The following FGF12 variants were observed in gnomAD, a reference collection of about 807,000 sequenced individuals.
FGF12 encodes the protein fibroblast growth factor 12.
Under a neutral mutation model 23.6 loss-of-function variants are expected in FGF12, and 14 were observed. The ratio of observed to expected loss-of-function variants is 0.59; its 90% CI spans 0.39 to 0.93. FGF12 has a LOEUF of 0.93. FGF12 is among the 40% of genes least tolerant of loss of function. The probability of loss-of-function intolerance (pLI) is 0.00; values close to 1 mark genes in which losing one functional copy is unlikely to be tolerated. For synonymous variants in FGF12, 62 were observed against 77.3 expected (o/e 0.80, Z 1.04); for missense variants, 175 against 217.8 (o/e 0.80, Z 1.24).
intron 2 of FGF12, among the ~76,000 whole-genome samples, chr3:192,713,150 C>A (rs1407628548): frequency 1.3e-5 from 2 of 152,104 alleles, no homozygotes; most frequent in Non-Finnish European, 2.9e-5. Flanking sequence ...TTTACATAAT[C>A]ATAATCATGC....
At chr3:192,322,983 T>C (rs1000753209) in intron 4 of FGF12, among the ~76,000 whole-genome samples, 19 of 152,316 alleles carry the variant, frequency 1.2e-4, no homozygotes, top group Middle Eastern at 3.4e-3. Flanking sequence ...CTCATCATCA[T>C]TGATCATCAG....
At position 192,141,850 on chromosome 3, in the gene FGF12, A is replaced by G. The variant is rs910873065; in HGVS notation, c.*2159T>C. On this transcript the variant is annotated 3_prime_UTR_variant, in exon 6 of 6. Coordinates refer to ENST00000445105, the MANE Select transcript of FGF12 (RefSeq NM_004113.6). ...AAAAGCTCAAGTCATTTCATGCTAA[A>G]AGAGCCAGTGTCCCATAGTGTTGAA... 7.9e-5 allele frequency: 12 copies of G among 152,008 alleles called. No individual in the cohort carries two copies. The highest frequency in any genetic ancestry group is 2.9e-4 in the African/African-American group (12 of 41,442). 9.4% of individuals were successfully genotyped at this position (152,008 alleles called of 1,614,324 possible).
chr3:192,607,705 G>T (rs1714389774), intron 2 of FGF12, among the ~76,000 whole-genome samples: 1 of 151,776 alleles, frequency 6.6e-6, no homozygotes, highest in South Asian at 2.1e-4. Flanking sequence ...TTTTATTTAA[G>T]CTCCCCATGT....
rs913899040 is a variant in FGF12, at chr3:192,542,639, TC to T, written c.14-182102del. Among the ~76,000 whole-genome samples the T allele has an allele frequency of 4.6e-5, 7 of 152,138 alleles. 1 individual carries two copies. The highest frequency in any genetic ancestry group is 1.7e-4 in the African/African-American group (7 of 41,434). The stretch of plus-strand genomic sequence containing the variant: ...AGTCTTTTTTTTTTCCACCTGTCCT[TC>T]TTTGGAAGGCTTTCCAAGCATTCAA... On this transcript the variant is annotated intron_variant, in intron 2 of 5. Transcript: ENST00000445105.
intron 2 of FGF12, among the ~76,000 whole-genome samples, chr3:192,687,318 A>G (rs766987493): frequency 2.2e-4 from 34 of 151,978 alleles, no homozygotes; most frequent in Middle Eastern, 3.4e-3. Flanking sequence ...TCTGAACCCC[A>G]GGCAAAGGGC....
At chr3:192,462,125 T>C (rs73068400) in intron 2 of FGF12, among the ~76,000 whole-genome samples, 13,293 of 152,238 alleles carry the variant, frequency 0.087, 1,958 homozygotes, top group African/African-American at 0.3. Flanking sequence ...AAGAAATGTA[T>C]ATTAAAATAA....
At chr3:192,676,744 A>G (rs1482990938) in intron 2 of FGF12, among the ~76,000 whole-genome samples, 1 of 152,188 alleles carries the variant, frequency 6.6e-6, no homozygotes, top group Non-Finnish European at 1.5e-5. Flanking sequence ...CACAGGGAGA[A>G]CACTATGGAA....
intron 2 of FGF12, among the ~76,000 whole-genome samples, chr3:192,500,864 T>C (rs1347125615): frequency 1.3e-5 from 2 of 152,156 alleles, no homozygotes; most frequent in African/African-American, 4.8e-5. Context: ...ATTGAGGCAC[T>C]GAGGGGTTAA....
In FGF12 at chr3:192,485,258, T is replaced by C. The variant is rs566973296; in HGVS notation, c.14-124720A>G. Reference sequence around the variant, plus strand: ...GAGACTAATTATTGCCACAAAATTTTGAAACGAATGTTTCTGGTTTGTATT... The same window carrying C: ...GAGACTAATTATTGCCACAAAATTTCGAAACGAATGTTTCTGGTTTGTATT... On this transcript the variant is annotated intron_variant, in intron 2 of 5. Coordinates refer to ENST00000445105, the MANE Select transcript of FGF12 (RefSeq NM_004113.6). 3.3e-5 allele frequency among the ~76,000 whole-genome samples: 5 copies of C among 152,298 alleles called. No individual in the cohort carries two copies. The South Asian group carries it at 1.0e-3, about 32-fold the overall frequency.
At chr3:192,655,763 TA>T (rs1221317446) in intron 2 of FGF12, among the ~76,000 whole-genome samples, 63 of 152,194 alleles carry the variant, frequency 4.1e-4, no homozygotes, top group Non-Finnish European at 5.9e-5. Flanking sequence ...TGATTTTCCC[TA>T]AATAAGGCAA....
chr3:192,440,815 A>G (rs1722181423), intron 2 of FGF12, among the ~76,000 whole-genome samples: 1 of 152,190 alleles, frequency 6.6e-6, no homozygotes, highest in Admixed American at 6.5e-5. Context: ...TAAGCATCCC[A>G]TGAGGCTGGT....
chr3:192,679,812 A>C (rs188329454), intron 2 of FGF12, among the ~76,000 whole-genome samples: 7 of 152,200 alleles, frequency 4.6e-5, no homozygotes, highest in Non-Finnish European at 1.0e-4. Flanking sequence ...GCACATTATC[A>C]AGGGAGCCAG....
intron 5 of FGF12, among the ~76,000 whole-genome samples, chr3:192,157,916 T>C (rs537199722): frequency 2.6e-5 from 4 of 152,272 alleles, no homozygotes; most frequent in Admixed American, 1.3e-4. Flanking sequence ...ACCATAAAAA[T>C]AGATACTTTT....
chr3:192,372,284 G>C (rs1719268346), intron 2 of FGF12, among the ~76,000 whole-genome samples: 1 of 152,074 alleles, frequency 6.6e-6, no homozygotes, highest in Non-Finnish European at 1.5e-5. Flanking sequence ...TGTTTATCCA[G>C]GTTGGCAAGC....
intron 4 of FGF12, among the ~76,000 whole-genome samples, chr3:192,221,895 C>T (rs894464628): frequency 2.0e-5 from 3 of 151,706 alleles, no homozygotes; most frequent in South Asian, 2.1e-4. Context: ...TGTGAGGATT[C>T]GAAGAAGCAA....
intron 2 of FGF12, among the ~76,000 whole-genome samples, chr3:192,529,254 A>C (rs1725028121): frequency 6.6e-6 from 1 of 152,182 alleles, no homozygotes; most frequent in Non-Finnish European, 1.5e-5. Context: ...TCTAAAGTTC[A>C]AAGTTCCACA....
At chr3:192,487,127 T>A (rs1723658720) in intron 2 of FGF12, among the ~76,000 whole-genome samples, 1 of 152,100 alleles carries the variant, frequency 6.6e-6, no homozygotes, top group Admixed American at 6.6e-5. Context: ...TGTGATTTCA[T>A]ATTTGTCACA....
rs143360456 is a variant in FGF12 at position 192,700,409 on chromosome 3, A to G, written c.13+26772T>C. Among the ~76,000 whole-genome samples, 39 of 152,346 alleles carry G rather than the reference A, an allele frequency of 2.6e-4. No homozygotes were observed. The East Asian group carries it at 2.9e-3, about 11-fold the overall frequency. On this transcript the variant is annotated intron_variant, in intron 2 of 5. Coordinates refer to ENST00000445105, the MANE Select transcript of FGF12 (RefSeq NM_004113.6). Reference sequence around the variant, plus strand: ...TAAAATTAGAATTTTACTTAGCAATAAAACAAATCCAAATAAAGTCCTGTC... The same window carrying G: ...TAAAATTAGAATTTTACTTAGCAATGAAACAAATCCAAATAAAGTCCTGTC...
intron 2 of FGF12, among the ~76,000 whole-genome samples, chr3:192,690,076 G>A (rs142159873): frequency 1.4e-3 from 217 of 152,078 alleles, no homozygotes; most frequent in African/African-American, 4.4e-3. Flanking sequence ...AGAAAAGAGG[G>A]AGAAAAAAGA....
Sources: gnomAD v4.1 joint callset for allele counts (sites outside exome capture counted in the v4.1 genomes callset) on GRCh38, gnomAD v4.1.1 for gene constraint, MANE v1.5 for transcripts, NCBI Gene and HGNC (gene_info 2026-07-23, HGNC 2026-07-21) for gene names.